Variants in MYH15 observed in about 807,000 individuals in gnomAD.
The protein encoded by MYH15 is myosin heavy chain 15.
MYH15 carries 227 observed loss-of-function variants against 240.5 expected under a neutral mutation model. The observed-to-expected ratio is 0.94, with a 90% CI of 0.85 to 1.05. The LOEUF is 1.05. Ranked by LOEUF, MYH15 falls within the 50% of genes least tolerant of loss-of-function variation. MYH15 has a pLI of 0.00. For synonymous variants in MYH15, 785 were observed against 796.7 expected, an observed-to-expected ratio of 0.99 and a Z score of 0.25; for missense variants, 2,217 against 2,247.5, an observed-to-expected ratio of 0.99 and a Z score of 0.27.
intron 29 of MYH15, among the ~76,000 whole-genome samples, 187 bp from the exon 30 acceptor site, chr3:108,414,615 T>C (rs1190418734): frequency 6.6e-6 from 1 of 152,182 alleles, no homozygotes; most frequent in African/African-American, 2.4e-5. Context: ...TAGTATCTAA[T>C]TGCTGCCATT....
chr3:108,383,749 A>AT lies in MYH15; in HGVS notation c.5632-21_5632-20insA. On this transcript the variant is annotated intron_variant, in intron 39 of 40. Coordinates refer to ENST00000693548, the MANE Select transcript of MYH15 (RefSeq NM_014981.3). ...TGTTTCCTATAAAAATAAAAAAAAA[A>AT]AAAAAGAAATCTCCATGCCTATATA... 2 of 1,537,138 alleles carry AT rather than the reference A, an allele frequency of 1.3e-6. No individual in the cohort carries two copies. Among genetic ancestry groups the AT allele is most frequent in the East Asian group, 2.3e-5 (1 of 44,064 alleles).
At chr3:108,428,404 G>C in intron 27 of MYH15, 88 bp downstream of exon 27, 1 of 1,437,376 alleles carries the variant, frequency 7.0e-7, no homozygotes, top group Admixed American at 2.1e-5. Flanking sequence ...CACTAAGCTG[G>C]CTTATTTTTC....
At chr3:108,387,601 A>G (rs1466669739) in intron 38 of MYH15, among the ~76,000 whole-genome samples, 1 of 152,012 alleles carries the variant, frequency 6.6e-6, no homozygotes, top group East Asian at 1.9e-4. Context: ...AAGAAGAATC[A>G]ATGGGAAAAT....
chr3:108,411,039 C>A, intron 30 of MYH15, 107 bp from the exon 31 acceptor site: 6 of 904,108 alleles, frequency 6.6e-6, no homozygotes, highest in Middle Eastern at 5.9e-4. Context: ...TAAGATGGCG[C>A]CTCTGCAGTG....
At chr3:108,397,594 T>C (rs2082471658) in intron 35 of MYH15, among the ~76,000 whole-genome samples, 1 of 152,204 alleles carries the variant, frequency 6.6e-6, no homozygotes, top group Non-Finnish European at 1.5e-5. Flanking sequence ...GGGTGCCCTA[T>C]AAACACTTAT....
intron 12 of MYH15, among the ~76,000 whole-genome samples, chr3:108,473,870 GGT>G (rs1412746575): frequency 2.0e-5 from 3 of 152,144 alleles, no homozygotes; most frequent in Admixed American, 2.0e-4. Context: ...GGCATTTTCT[GGT>G]TGTCACAGTG....
chr3:108,509,586 A>G (rs1451889169), intron 1 of MYH15, among the ~76,000 whole-genome samples: 2 of 152,216 alleles, frequency 1.3e-5, no homozygotes, highest in Non-Finnish European at 2.9e-5. Flanking sequence ...TGGTCATATT[A>G]AAGTCTAATG....
At chr3:108,476,647 A>G (rs936956309) in intron 11 of MYH15, 132 bp from the exon 12 acceptor site, 2 of 539,966 alleles carry the variant, frequency 3.7e-6, no homozygotes, top group Non-Finnish European at 6.7e-6. Flanking sequence ...AGTAGATTGT[A>G]GTTTTCAAAT....
chr3:108,432,096 T>C (rs1451866383), intron 25 of MYH15, among the ~76,000 whole-genome samples: 1 of 152,216 alleles, frequency 6.6e-6, no homozygotes, highest in Non-Finnish European at 1.5e-5. Context: ...TCTTGCTCTG[T>C]CACCCAGGCT....
intron 38 of MYH15, 25 bp from the exon 39 acceptor site, chr3:108,384,807 A>T: frequency 6.3e-7 from 1 of 1,598,964 alleles, no homozygotes; most frequent in Non-Finnish European, 8.6e-7. Context: ...CATGTATGGG[A>T]AGGTGATTCA....
upstream of MYH15, among the ~76,000 whole-genome samples, chr3:108,532,986 T>C (rs555590921): frequency 2.6e-5 from 4 of 152,286 alleles, no homozygotes; most frequent in Non-Finnish European, 5.9e-5. Flanking sequence ...ATTATGATGA[T>C]AGAATTAAAT....
rs143975697 is a variant in MYH15 at position 108,465,400 on chromosome 3, T to C, written c.1555-586A>G. 3.4e-4 allele frequency among the ~76,000 whole-genome samples: 52 copies of C among 152,276 alleles called. No homozygotes were observed. The East Asian group carries it at 7.9e-3, about 23-fold the overall frequency. ...TGACGGAACACATTTTAAGAGATAA[T>C]GTCAAAGGGGTAAGGAGCAGCTGGA... On this transcript the variant is annotated intron_variant, in intron 14 of 40. Transcript: ENST00000693548.
At chr3:108,441,388 C>G (rs576771116) in intron 22 of MYH15, 128 bp from the exon 23 acceptor site, 2 of 1,032,748 alleles carry the variant, frequency 1.9e-6, no homozygotes, top group South Asian at 3.1e-5. Context: ...CCTACCTTTC[C>G]TAAACAGCTG....
chr3:108,414,836 C>A (rs916586056), intron 29 of MYH15, among the ~76,000 whole-genome samples: 1 of 152,164 alleles, frequency 6.6e-6, no homozygotes, highest in Non-Finnish European at 1.5e-5. Context: ...TTTTATTCCA[C>A]TGATGAAGAA....
At chr3:108,527,265 G>C (rs1021199009) in intron 1 of MYH15, among the ~76,000 whole-genome samples, 7 of 152,080 alleles carry the variant, frequency 4.6e-5, no homozygotes, top group African/African-American at 1.7e-4. Flanking sequence ...TTAGCCACCA[G>C]GGATTAGTGA....
At chr3:108,496,178 C>G (rs1034429975) in intron 6 of MYH15, among the ~76,000 whole-genome samples, 1 of 152,144 alleles carries the variant, frequency 6.6e-6, no homozygotes, top group Non-Finnish European at 1.5e-5. Context: ...GAAAAACATA[C>G]CAAAGCTTAT....
intron 25 of MYH15, among the ~76,000 whole-genome samples, chr3:108,433,039 C>T (rs2082793530): frequency 6.6e-6 from 1 of 152,150 alleles, no homozygotes; most frequent in Non-Finnish European, 1.5e-5. Context: ...GCACCACGCA[C>T]CTGGAAAAGC....
intron 9 of MYH15, 65 bp downstream of exon 9, chr3:108,492,435 T>TC (rs1170055665): frequency 9.3e-6 from 11 of 1,188,344 alleles, no homozygotes; most frequent in South Asian, 2.8e-5. Flanking sequence ...CACTTTTTCA[T>TC]CCCCCAAATA....
At chr3:108,538,314 C>T in the MYH15 span, among the ~76,000 whole-genome samples, 5 of 152,238 alleles carry the variant, frequency 3.3e-5, no homozygotes, top group East Asian at 3.9e-4. Context: ...CTTGGGTAAC[C>T]GGAAACTCTA....
Sources: gnomAD v4.1 joint callset for allele counts (sites outside exome capture counted in the v4.1 genomes callset) on GRCh38, gnomAD v4.1.1 for gene constraint, MANE v1.5 for transcripts, NCBI Gene and HGNC (gene_info 2026-07-23, HGNC 2026-07-21) for gene names.